The following MRPS31 variants were observed in gnomAD, a reference collection of about 807,000 sequenced individuals.
MRPS31 encodes small ribosomal subunit protein mS31.
In MRPS31, 32 loss-of-function variants were observed where a neutral mutation model predicts 43.1. That is an observed-to-expected ratio of 0.74 (90% CI 0.56 to 1.00). MRPS31 has a LOEUF of 1.00. MRPS31 is among the 50% of genes least tolerant of loss of function. The pLI is 0.00. For missense variants in MRPS31, 437 were observed against 466.7 expected (o/e 0.94, Z 0.59); for synonymous variants, 165 against 161.6 (o/e 1.02, Z -0.16).
rs1483055278 is a variant in MRPS31 at position 40,749,052 on chromosome 13, TGTAA to T, written c.958+82_958+85del. 7.1e-5 allele frequency: 95 copies of T among 1,343,352 alleles called. No individual in the cohort carries two copies. In the African/African-American group the frequency reaches 1.3e-3, roughly 18 times the overall value. 83.2% of individuals were successfully genotyped at this position (1,343,352 alleles called of 1,614,324 possible). On this transcript the variant is annotated intron_variant, in intron 6 of 6. Transcript: ENST00000323563. ...TATCCACAAAAGGTTTTGAAATTCATGTAAGTATCTATACTCTAAAAGTAAATAT... is the reference window on the plus strand; with the variant it reads ...TATCCACAAAAGGTTTTGAAATTCATGTATCTATACTCTAAAAGTAAATAT...
chr13:40,737,753 CA>C (rs1401154306), intron 6 of MRPS31, among the ~76,000 whole-genome samples: 1 of 151,954 alleles, frequency 6.6e-6, no homozygotes, highest in African/African-American at 2.4e-5. Context: ...AACAAAGACA[CA>C]ACAAACCAGA....
At chr13:40,757,440 C>CTTTTTTTTTTTTTTTTTTTTTTT in intron 3 of MRPS31, among the ~76,000 whole-genome samples, 1 of 96,932 alleles carries the variant, frequency 1.0e-5, no homozygotes, top group Non-Finnish European at 1.9e-5. Context: ...CTATGTCTTC[C>CTTTTTTTTTTTTTTTTTTTTTTT]TTTTTTTTTT....
At chr13:40,731,255 A>C in intron 6 of MRPS31, 1 of 157,266 alleles carries the variant, frequency 6.4e-6, no homozygotes, top group Non-Finnish European at 1.4e-5. Context: ...CCTGTCTCAA[A>C]AAAAAAAAAA....
intron 5 of MRPS31, among the ~76,000 whole-genome samples, chr13:40,750,878 G>A (rs1880371574): frequency 1.3e-5 from 2 of 150,654 alleles, no homozygotes; most frequent in African/African-American, 4.9e-5. Context: ...TTACACTTTA[G>A]CGCGTATCTG....
chr13:40,729,464 C>A lies in MRPS31; in HGVS notation c.1096G>T (p.Val366Phe), dbSNP rs1194894896. 6.2e-7 allele frequency: 1 copy of A among 1,610,584 alleles called. No homozygotes were observed. The highest frequency in any genetic ancestry group is 8.5e-7 in the Non-Finnish European group (1 of 1,177,062). Residue 366 changes from valine (V) to phenylalanine (F), a missense_variant, in exon 7 of 7, where the codon GTT becomes TTT. By Grantham distance (50) the Val-to-Phe change is conservative. Transcript: ENST00000323563. Reference sequence around the variant, plus strand: ...TCTATGTGTTCAACCTTCTGTTTAACACTAAGATATGGGTTTTTGGAAAGG... The same window carrying A: ...TCTATGTGTTCAACCTTCTGTTTAAAACTAAGATATGGGTTTTTGGAAAGG... ...CGLSKNPYLS[V>F]KQKVEHIEWF...
intron 2 of MRPS31, among the ~76,000 whole-genome samples, chr13:40,763,466 C>T (rs544675840): frequency 6.6e-6 from 1 of 152,138 alleles, no homozygotes. Flanking sequence ...CATTTAAGTC[C>T]TAAATATGGT....
intron 1 of MRPS31, among the ~76,000 whole-genome samples, chr13:40,769,672 T>C (rs1880953859): frequency 6.6e-6 from 1 of 151,996 alleles, no homozygotes; most frequent in Non-Finnish European, 1.5e-5. Context: ...TGGTCATTAT[T>C]TTACATTTAA....
intron 1 of MRPS31, among the ~76,000 whole-genome samples, chr13:40,769,586 T>A (rs1163054770): frequency 6.6e-6 from 1 of 151,626 alleles, no homozygotes; most frequent in East Asian, 1.9e-4. Flanking sequence ...ACCAACTGCA[T>A]AACTAGTATC....
chr13:40,745,992 G>A (rs758514787), intron 6 of MRPS31, among the ~76,000 whole-genome samples: 19 of 151,992 alleles, frequency 1.3e-4, no homozygotes, highest in Non-Finnish European at 2.1e-4. Context: ...TCCTTGAAAC[G>A]GAAACAGAAA....
rs1421191286 is a variant in MRPS31 at position 40,738,513 on chromosome 13, G to C, written c.959-8912C>G. ...AAGAGAATTTTAGACCAATATCCTT[G>C]ATGAACATTGATGCAAAAATCCTCA... On this transcript the variant is annotated intron_variant, in intron 6 of 6. Coordinates refer to ENST00000323563, the MANE Select transcript of MRPS31 (RefSeq NM_005830.4). Among the ~76,000 whole-genome samples the C allele has an allele frequency of 7.3e-5, 11 of 151,706 alleles. No individual in the cohort carries two copies. The East Asian group carries it at 2.1e-3, about 29-fold the overall frequency.
intron 6 of MRPS31, among the ~76,000 whole-genome samples, chr13:40,730,561 G>T (rs957831814): frequency 6.6e-6 from 1 of 152,040 alleles, no homozygotes; most frequent in African/African-American, 2.4e-5. Flanking sequence ...TATTGCCAAT[G>T]ATTATTTTTT....
rs1174520102 is a variant in MRPS31, at chr13:40,766,936, T to C, written c.250A>G (p.Thr84Ala). ...TTTTCACTGTCTTGGCTCTCTGAAG[T>C]CTCCTTGGAAGTCTCCTCAGTTCGA... is the stretch of plus-strand genomic sequence containing the variant. ...SVRTEETSKE[T>A]SESQDSEKEN... Residue 84 changes from threonine (T) to alanine (A), a missense_variant, in exon 2 of 7, where the codon ACT (threonine) becomes GCT (alanine). Thr to Ala is a moderately conservative substitution (Grantham distance 58). Transcript: ENST00000323563. 1 of 1,614,006 alleles carries C rather than the reference T, an allele frequency of 6.2e-7. No homozygotes were observed. Among genetic ancestry groups the C allele is most frequent in the African/African-American group, 1.3e-5 (1 of 74,924 alleles).
At chr13:40,770,154 C>T (rs778730329) in intron 1 of MRPS31, among the ~76,000 whole-genome samples, 12 of 152,220 alleles carry the variant, frequency 7.9e-5, no homozygotes, top group Non-Finnish European at 1.8e-4. Flanking sequence ...CTACCATTAT[C>T]CCATGACGTC....
intron 2 of MRPS31, among the ~76,000 whole-genome samples, chr13:40,766,542 G>A (rs1023090381): frequency 6.6e-5 from 10 of 152,226 alleles, no homozygotes; most frequent in Admixed American, 3.9e-4. Context: ...TGATCCGCCC[G>A]CCTCGTCCTC....
Position 40,745,765 on chromosome 13 carries a change from C to A in MRPS31, c.958+3373G>T, listed in dbSNP as rs565638629. On this transcript the variant is annotated intron_variant, in intron 6 of 6. Transcript: ENST00000323563. ...TAAAGAAGCCAACCCCCCAACAAAT[C>A]CTCCACCCCCATAAAAACCAACCTT... Among the ~76,000 whole-genome samples, 13 of 151,902 alleles carry A rather than the reference C, an allele frequency of 8.6e-5. No homozygotes were observed. In the South Asian group the frequency reaches 2.5e-3, roughly 29 times the overall value.
intron 2 of MRPS31, among the ~76,000 whole-genome samples, chr13:40,759,730 A>G (rs1259446381): frequency 6.6e-6 from 1 of 152,232 alleles, no homozygotes; most frequent in African/African-American, 2.4e-5. Flanking sequence ...CTCAAAAATT[A>G]TAAATTAGTG....
intron 6 of MRPS31, among the ~76,000 whole-genome samples, chr13:40,747,733 C>T (rs566755927): frequency 1.3e-5 from 2 of 152,136 alleles, no homozygotes; most frequent in Non-Finnish European, 2.9e-5. Context: ...CAAAAATTAG[C>T]TCGGGAGGCT....
chr13:40,730,742 G>A (rs1165232937), intron 6 of MRPS31, among the ~76,000 whole-genome samples: 1 of 151,300 alleles, frequency 6.6e-6, no homozygotes, highest in East Asian at 2.0e-4. Flanking sequence ...TGTATTTTTA[G>A]TAGAGATGGG....
At chr13:40,748,206 G>A (rs1880292567) in intron 6 of MRPS31, among the ~76,000 whole-genome samples, 1 of 152,178 alleles carries the variant, frequency 6.6e-6, no homozygotes, top group African/African-American at 2.4e-5. Context: ...TGCCCAGGCT[G>A]GAGTGCAATA....
Sources: allele counts gnomAD v4.1 joint callset (sites outside exome capture counted in the v4.1 genomes callset), GRCh38; gene constraint gnomAD v4.1.1; transcripts MANE v1.5; gene names NCBI Gene and HGNC (gene_info 2026-07-23, HGNC 2026-07-21).